SGCZ: variants seen among roughly 807,000 people sequenced by gnomAD.
SGCZ encodes sarcoglycan zeta, also known as zeta-sarcoglycan.
Under a neutral mutation model 41.3 loss-of-function variants are expected in SGCZ, and 40 were observed. That is an observed-to-expected ratio of 0.97 (90% CI 0.75 to 1.26). The LOEUF (loss-of-function observed/expected upper bound fraction) is 1.26, where lower values mean the gene tolerates loss of function less well. Among genes scored for constraint, SGCZ ranks in the 50% most tolerant of loss-of-function variants. The probability of loss-of-function intolerance (pLI) is 0.00; values close to 1 mark genes in which losing one functional copy is unlikely to be tolerated. For missense variants in SGCZ, 552 were observed against 369.8 expected (o/e 1.49, Z -4.04); for synonymous variants, 206 against 137.5 (o/e 1.50, Z -3.49).
intron 1 of SGCZ, among the ~76,000 whole-genome samples, chr8:14,986,148 G>A (rs6530821): frequency 0.96 from 146,364 of 152,170 alleles, 70,478 homozygotes; most frequent in Middle Eastern, 0.99. Context: ...CAGTAAATAT[G>A]TGAACAATAT....
At chr8:14,798,215 T>C (rs936391519) in intron 1 of SGCZ, among the ~76,000 whole-genome samples, 1 of 152,214 alleles carries the variant, frequency 6.6e-6, no homozygotes, top group Non-Finnish European at 1.5e-5. Context: ...ACCCAGTTGA[T>C]ATAAAAAATC....
chr8:14,422,906 T>TA (rs1799673145), intron 2 of SGCZ, among the ~76,000 whole-genome samples: 1 of 152,080 alleles, frequency 6.6e-6, no homozygotes, highest in African/African-American at 2.4e-5. Context: ...TGCACACATT[T>TA]AGTCCCAGCC....
At chr8:14,861,757 C>T (rs796090895) in intron 1 of SGCZ, among the ~76,000 whole-genome samples, 11 of 151,994 alleles carry the variant, frequency 7.2e-5, no homozygotes, top group African/African-American at 2.7e-4. Context: ...TAGACTTGCA[C>T]GTGGTGTTGC....
chr8:14,534,132 T>G (rs954224338), intron 2 of SGCZ, among the ~76,000 whole-genome samples: 1 of 151,680 alleles, frequency 6.6e-6, no homozygotes, highest in Non-Finnish European at 1.5e-5. Context: ...CCACTTGGAG[T>G]TGGAAACTGG....
chr8:15,088,360 C>T (rs1806026546), intron 1 of SGCZ, among the ~76,000 whole-genome samples: 1 of 152,022 alleles, frequency 6.6e-6, no homozygotes, highest in Non-Finnish European at 1.5e-5. Context: ...TTTCTACTGT[C>T]CAATTACATT....
At chr8:14,263,983 G>A (rs946383527) in intron 3 of SGCZ, among the ~76,000 whole-genome samples, 1 of 152,208 alleles carries the variant, frequency 6.6e-6, no homozygotes, top group African/African-American at 2.4e-5. Flanking sequence ...TCTGGCTCCA[G>A]GCCACGGCCC....
intron 5 of SGCZ, among the ~76,000 whole-genome samples, chr8:14,133,608 A>G (rs1803106679): frequency 6.6e-6 from 1 of 152,330 alleles, no homozygotes; most frequent in East Asian, 1.9e-4. Context: ...AGGATTGGGT[A>G]GGACAAGTAA....
intron 3 of SGCZ, among the ~76,000 whole-genome samples, chr8:14,264,541 C>T (rs529308982): frequency 5.1e-4 from 77 of 152,274 alleles, no homozygotes; most frequent in African/African-American, 1.8e-3. Context: ...TGGGGCAACA[C>T]AACACCTGCA....
intron 1 of SGCZ, among the ~76,000 whole-genome samples, chr8:15,193,050 G>C (rs1289079612): frequency 6.6e-6 from 1 of 152,036 alleles, no homozygotes; most frequent in Non-Finnish European, 1.5e-5. Context: ...GTGAATACTG[G>C]TAGTGGAGGT....
intron 4 of SGCZ, among the ~76,000 whole-genome samples, chr8:14,224,463 C>G (rs1025637334): frequency 2.6e-5 from 4 of 152,170 alleles, no homozygotes; most frequent in Admixed American, 6.5e-5. Context: ...ATCCTTTAAA[C>G]ATTCTAGCTG....
rs575619049 is a variant in SGCZ at position 14,808,049 on chromosome 8, T to A, written c.40-253123A>T. Among the ~76,000 whole-genome samples, 25 of 152,046 alleles carry A rather than the reference T, an allele frequency of 1.6e-4. No homozygotes were observed. The East Asian group carries it at 2.9e-3, about 18-fold the overall frequency. On this transcript the variant is annotated intron_variant, in intron 1 of 7. Coordinates refer to ENST00000382080, the MANE Select transcript of SGCZ (RefSeq NM_139167.4). ...CCATATGTAGAAAGCTGAAACTGGA[T>A]CCCTTCCTTACACCTTATACAAAAA...
intron 1 of SGCZ, among the ~76,000 whole-genome samples, chr8:14,865,952 G>C (rs777782838): frequency 1.9e-4 from 29 of 152,054 alleles, no homozygotes; most frequent in Non-Finnish European, 4.3e-4. Context: ...CCTCTATAAG[G>C]ACCTAACTCT....
At chr8:14,980,741 T>C (rs1295742628) in intron 1 of SGCZ, among the ~76,000 whole-genome samples, 2 of 20,912 alleles carry the variant, frequency 9.6e-5, no homozygotes, top group African/African-American at 1.9e-4. Flanking sequence ...TTCAATCATC[T>C]CCCACTGGGT....
intron 2 of SGCZ, among the ~76,000 whole-genome samples, chr8:14,409,284 G>T (rs568362229): frequency 6.6e-6 from 1 of 152,078 alleles, no homozygotes; most frequent in African/African-American, 2.4e-5. Context: ...TTCTCCTGAA[G>T]ATTTTCACAT....
At chr8:14,173,950 A>T (rs1486446146) in intron 4 of SGCZ, among the ~76,000 whole-genome samples, 1 of 152,156 alleles carries the variant, frequency 6.6e-6, no homozygotes, top group Non-Finnish European at 1.5e-5. Context: ...TTAATAAGAT[A>T]TTAGAATGGT....
intron 1 of SGCZ, among the ~76,000 whole-genome samples, chr8:14,803,794 A>G (rs1801426382): frequency 6.8e-6 from 1 of 147,120 alleles, no homozygotes; most frequent in Non-Finnish European, 1.5e-5. Context: ...ACAAACAAAA[A>G]GACAGCAGTA....
chr8:14,323,420 G>A (rs1175485870), intron 3 of SGCZ, among the ~76,000 whole-genome samples: 1 of 151,864 alleles, frequency 6.6e-6, no homozygotes, highest in Admixed American at 6.6e-5. Context: ...ACACATGGAA[G>A]AAAAATATCT....
At chr8:14,800,709 T>G (rs1310258845) in intron 1 of SGCZ, among the ~76,000 whole-genome samples, 1 of 152,172 alleles carries the variant, frequency 6.6e-6, no homozygotes. Flanking sequence ...TGATTGTAAG[T>G]TTCCTGAGGC....
At chr8:14,614,581 C>T (rs1806034702) in intron 1 of SGCZ, among the ~76,000 whole-genome samples, 1 of 152,114 alleles carries the variant, frequency 6.6e-6, no homozygotes, top group Non-Finnish European at 1.5e-5. Flanking sequence ...CTTGAACCAT[C>T]AAAATTCAAA....
Sources: gnomAD v4.1 joint callset for allele counts (sites outside exome capture counted in the v4.1 genomes callset) on GRCh38, gnomAD v4.1.1 for gene constraint, MANE v1.5 for transcripts, NCBI Gene and HGNC (gene_info 2026-07-23, HGNC 2026-07-21) for gene names.